Variants in ABCB5 observed in about 807,000 individuals in gnomAD.
ABCB5 encodes ATP-binding cassette sub-family B member 5.
In ABCB5, 155 loss-of-function variants were observed where a neutral mutation model predicts 144.2. That is an observed-to-expected ratio of 1.08 (90% CI 0.94 to 1.23). The LOEUF is 1.23. Ranked by LOEUF, ABCB5 falls within the 50% of genes most tolerant of loss-of-function variation. ABCB5 has a pLI of 0.00. For synonymous variants in ABCB5, 610 were observed against 528.6 expected (o/e 1.15, Z -2.11); for missense variants, 1,830 against 1,520.8 (o/e 1.20, Z -3.38).
intron 11 of ABCB5, 25 bp downstream of exon 11, chr7:20,648,103 T>C: frequency 7.2e-7 from 1 of 1,386,424 alleles, no homozygotes; most frequent in Non-Finnish European, 1.0e-6. Flanking sequence ...ATTACGCAAT[T>C]GTGCAGTTTT....
intron 15 of ABCB5, among the ~76,000 whole-genome samples, chr7:20,685,314 C>G (rs1785959260): frequency 6.6e-6 from 1 of 152,152 alleles, no homozygotes; most frequent in Admixed American, 6.5e-5. Flanking sequence ...AAGTACCCAA[C>G]TAAATACTAC....
chr7:20,650,005 T>A lies in ABCB5; in HGVS notation c.1207-17T>A. 1.2e-6 allele frequency: 2 copies of A among 1,603,852 alleles called. No homozygotes were observed. The highest frequency in any genetic ancestry group is 1.7e-6 in the Non-Finnish European group (2 of 1,174,692). On this transcript the variant is annotated splice_polypyrimidine_tract_variant and intron_variant, in intron 11 of 27. Coordinates refer to ENST00000404938, the MANE Select transcript of ABCB5 (RefSeq NM_001163941.2). ...CTTATTGTGGTTTTATGATTTTCCC[T>A]CCATACATTCCAATAGATTCTGAAA...
chr7:20,622,688 T>A lies in ABCB5; in HGVS notation c.-21-577T>A, dbSNP rs193199474. On this transcript the variant is annotated intron_variant, in intron 1 of 27. Transcript: ENST00000404938. ...ACTGTGATCTTAAGACAAGGTAAGA[T>A]CCTCAAGTATCATCCCAAGGAAGAG... Among the ~76,000 whole-genome samples the A allele has an allele frequency of 1.2e-4, 18 of 152,196 alleles. No homozygotes were observed. In the East Asian group the frequency reaches 2.9e-3, roughly 24 times the overall value.
At chr7:20,672,776 G>GA (rs1785489718) in intron 14 of ABCB5, among the ~76,000 whole-genome samples, 2 of 151,946 alleles carry the variant, frequency 1.3e-5, no homozygotes, top group African/African-American at 2.4e-5. Context: ...ACAATTTGTT[G>GA]AAAAAATTAT....
intron 13 of ABCB5, among the ~76,000 whole-genome samples, chr7:20,655,085 A>AAG (rs144922459): frequency 8.4e-6 from 1 of 118,346 alleles, no homozygotes; most frequent in Admixed American, 8.8e-5. Flanking sequence ...AAGCTGAAAA[A>AAG]AGAGAGAGAG....
intron 14 of ABCB5, among the ~76,000 whole-genome samples, chr7:20,681,020 T>TTC (rs1365288720): frequency 4.5e-4 from 4 of 8,974 alleles, no homozygotes; most frequent in South Asian, 7.5e-3. Flanking sequence ...CTTTCTTTCT[T>TTC]TCTTTCTTTC....
intron 16 of ABCB5, among the ~76,000 whole-genome samples, chr7:20,691,726 C>G (rs983450482): frequency 6.6e-6 from 1 of 151,984 alleles, no homozygotes. Context: ...CTAGACTAAA[C>G]TCTGCACTAA....
chr7:20,647,787 C>T, intron 10 of ABCB5, 139 bp downstream of exon 10: 1 of 1,344,664 alleles, frequency 7.4e-7, no homozygotes. Flanking sequence ...AGAGAGACTG[C>T]CTTTAATTCT....
chr7:20,725,390 C>G (rs1393686257), intron 21 of ABCB5, among the ~76,000 whole-genome samples: 1 of 152,172 alleles, frequency 6.6e-6, no homozygotes, highest in Non-Finnish European at 1.5e-5. Flanking sequence ...ACCAGCCTGA[C>G]CAACATGGTG....
intron 14 of ABCB5, among the ~76,000 whole-genome samples, chr7:20,661,629 G>C (rs1208907552): frequency 6.7e-6 from 1 of 149,224 alleles, no homozygotes; most frequent in African/African-American, 2.5e-5. Context: ...TCCGCCTCCT[G>C]GGATAAGCAG....
chr7:20,716,794 CT>C (rs1781687003), intron 20 of ABCB5, among the ~76,000 whole-genome samples: 1 of 152,158 alleles, frequency 6.6e-6, no homozygotes. Flanking sequence ...ACTGGACAAT[CT>C]AGGAGTTCAT....
intron 5 of ABCB5, among the ~76,000 whole-genome samples, chr7:20,632,934 C>T (rs1369853867): frequency 9.2e-5 from 14 of 151,394 alleles, no homozygotes; most frequent in South Asian, 4.2e-4. Flanking sequence ...GTGGGTGCAG[C>T]GCACCAGCAT....
chr7:20,753,997 G>A (rs1430950438), intron 27 of ABCB5, among the ~76,000 whole-genome samples: 1 of 152,190 alleles, frequency 6.6e-6, no homozygotes, highest in African/African-American at 2.4e-5. Context: ...TGCACAGCAA[G>A]CTTCTCCAGC....
chr7:20,680,970 TTTTCTTTCTTTC>T lies in ABCB5; in HGVS notation c.1708-481_1708-470del, dbSNP rs1244502074. ...TTCTTTCCCTCCCTCCCTCCTTTCTTTTTCTTTCTTTCTTTCTTTCTTTCTTTCTTTCTTTCT... is the reference window on the plus strand; with the variant it reads ...TTCTTTCCCTCCCTCCCTCCTTTCTTTTTCTTTCTTTCTTTCTTTCTTTCT... On this transcript the variant is annotated intron_variant, in intron 14 of 27. Coordinates refer to ENST00000404938, the MANE Select transcript of ABCB5 (RefSeq NM_001163941.2). Among the ~76,000 whole-genome samples the T allele has an allele frequency of 3.4e-3, 451 of 131,128 alleles. 15 individuals carry two copies. The highest frequency in any genetic ancestry group is 5.6e-3 in the African/African-American group (192 of 34,542). 86.0% of individuals were successfully genotyped at this position (131,128 alleles called of 152,430 possible). A position where few individuals can be genotyped will look rare whatever the true frequency, so the allele number is the denominator to read the frequency against.
chr7:20,622,154 T>C (rs955852150), intron 1 of ABCB5, among the ~76,000 whole-genome samples: 1 of 152,138 alleles, frequency 6.6e-6, no homozygotes, highest in Non-Finnish European at 1.5e-5. Flanking sequence ...AATGGACAGA[T>C]CATGCACTTA....
At chr7:20,660,899 T>C (rs1256481620) in intron 14 of ABCB5, among the ~76,000 whole-genome samples, 4 of 152,190 alleles carry the variant, frequency 2.6e-5, no homozygotes, top group Admixed American at 2.0e-4. Context: ...ATCTTCCACT[T>C]ATACAAAGTT....
At chr7:20,745,507 C>A (rs1782691914) in intron 26 of ABCB5, 69 bp downstream of exon 26, 16 of 1,400,030 alleles carry the variant, frequency 1.1e-5, no homozygotes, top group Non-Finnish European at 1.6e-5. Flanking sequence ...TGGGCCTATG[C>A]AGTTGTTTTT....
intron 19 of ABCB5, among the ~76,000 whole-genome samples, chr7:20,703,121 CAAT>C (rs936046160): frequency 6.6e-6 from 1 of 152,048 alleles, no homozygotes; most frequent in African/African-American, 2.4e-5. Context: ...ATGTAATATT[CAAT>C]AATAAATTCT....
intron 21 of ABCB5, among the ~76,000 whole-genome samples, chr7:20,724,508 A>G (rs908679130): frequency 2.0e-4 from 31 of 151,816 alleles, no homozygotes; most frequent in African/African-American, 7.5e-4. Context: ...GCGTGCCTGT[A>G]ATCCCAGTTA....
Sources: gnomAD v4.1 joint callset for allele counts (sites outside exome capture counted in the v4.1 genomes callset) on GRCh38, gnomAD v4.1.1 for gene constraint, MANE v1.5 for transcripts, NCBI Gene and HGNC (gene_info 2026-07-23, HGNC 2026-07-21) for gene names.